Variants in NMS observed in about 807,000 individuals in gnomAD.
NMS encodes the protein neuromedin S.
Under a neutral mutation model 32.2 loss-of-function variants are expected in NMS, and 30 were observed. That is an observed-to-expected ratio of 0.93 (90% CI 0.70 to 1.26). NMS has a LOEUF of 1.26. Ranked by LOEUF, NMS falls within the 50% of genes most tolerant of loss-of-function variation. NMS has a pLI of 0.00. For missense variants in NMS, 190 were observed against 186.3 expected (o/e 1.02, Z -0.12); for synonymous variants, 76 against 58.5 (o/e 1.30, Z -1.37).
chr2:100,473,561 T>A lies in NMS; in HGVS notation c.183+22T>A, dbSNP rs1053445476. 3.6e-5 allele frequency: 33 copies of A among 924,034 alleles called. 1 individual carries two copies. The highest frequency in any genetic ancestry group is 4.8e-5 in the Non-Finnish European group (33 of 690,106). 57.2% of individuals were successfully genotyped at this position (924,034 alleles called of 1,614,324 possible). A position where few individuals can be genotyped will look rare whatever the true frequency, so the allele number is the denominator to read the frequency against. On this transcript the variant is annotated intron_variant, in intron 3 of 9. Coordinates refer to ENST00000376865, the MANE Select transcript of NMS (RefSeq NM_001011717.1). ...TAAGGTAAAAAAATGTGTATATATA[T>A]AATATATATAAAATATATATATATG...
At chr2:100,482,395 C>A in intron 9 of NMS, 84 bp downstream of exon 9, 5 of 1,263,658 alleles carry the variant, frequency 4.0e-6, no homozygotes, top group Non-Finnish European at 5.8e-6. Flanking sequence ...TGAGAGGCAG[C>A]CATGGGGAGG....
intron 8 of NMS, 127 bp from the exon 9 acceptor site, chr2:100,482,150 T>G: frequency 3.4e-6 from 3 of 886,028 alleles, no homozygotes; most frequent in African/African-American, 1.7e-5. Flanking sequence ...TGAGTCCCCA[T>G]GGAGGGGAGT....
At chr2:100,479,956 C>T (rs1433390782) in intron 6 of NMS, among the ~76,000 whole-genome samples, 1 of 152,076 alleles carries the variant, frequency 6.6e-6, no homozygotes, top group Non-Finnish European at 1.5e-5. Flanking sequence ...ATTTTGAACA[C>T]CCTGCCCAGG....
At chr2:100,474,522 A>T (rs1677069843) in intron 3 of NMS, among the ~76,000 whole-genome samples, 1 of 152,216 alleles carries the variant, frequency 6.6e-6, no homozygotes, top group South Asian at 2.1e-4. Context: ...CTGGTTTCAA[A>T]ATCCAGCTCT....
intron 3 of NMS, among the ~76,000 whole-genome samples, chr2:100,473,909 G>A (rs778187061): frequency 3.9e-5 from 6 of 152,128 alleles, no homozygotes; most frequent in Admixed American, 6.6e-5. Flanking sequence ...TGGGCCTGGT[G>A]GCTCACACCT....
In NMS at chr2:100,473,409, T is replaced by A. The variant is rs146174451; in HGVS notation, c.133-80T>A. 7.3e-5 allele frequency: 48 copies of A among 661,474 alleles called. No individual in the cohort carries two copies. In the African/African-American group the frequency reaches 8.7e-4, roughly 12 times the overall value. The allele number at this position is 661,474 out of a possible 1,614,324, so 41.0% of individuals were successfully genotyped here. On this transcript the variant is annotated intron_variant, in intron 2 of 9. Transcript: ENST00000376865. ...CCAGGCCTTGTTTCTTCTATCTAAT[T>A]GTATTTGATTACCCATTAATCAATC...
intron 3 of NMS, among the ~76,000 whole-genome samples, chr2:100,474,168 A>G (rs774674184): frequency 1.2e-4 from 18 of 152,234 alleles, no homozygotes; most frequent in Non-Finnish European, 1.9e-4. Context: ...CTATCTCACC[A>G]AAATGAAAAC....
intron 2 of NMS, 46 bp from the exon 3 acceptor site, chr2:100,473,443 C>A: frequency 1.7e-6 from 2 of 1,145,904 alleles, no homozygotes; most frequent in East Asian, 2.6e-5. Context: ...TCTCTCTCTT[C>A]ATCCCCCTCA....
chr2:100,481,213 C>T, intron 8 of NMS, 46 bp downstream of exon 8: 1 of 1,571,618 alleles, frequency 6.4e-7, no homozygotes, highest in Middle Eastern at 1.7e-4. Context: ...CGATTCACTG[C>T]AGCCATCCCA....
intron 1 of NMS, among the ~76,000 whole-genome samples, chr2:100,471,485 A>G (rs1271570416): frequency 6.6e-6 from 1 of 152,098 alleles, no homozygotes; most frequent in Non-Finnish European, 1.5e-5. Context: ...AACTACTTCA[A>G]TGACCCCAAC....
rs201102943 is a variant in NMS at position 100,473,529 on chromosome 2, G to T, written c.173G>T (p.Arg58Leu). The T allele has an allele frequency of 1.4e-6, 2 of 1,445,742 alleles. No homozygotes were observed. Among genetic ancestry groups the T allele is most frequent in the South Asian group, 3.2e-5 (2 of 62,356 alleles). 89.6% of individuals were successfully genotyped at this position (1,445,742 alleles called of 1,614,324 possible). Residue 58 changes from arginine (R) to leucine (L), a missense_variant, in exon 3 of 10, where the codon CGC becomes CTC. Transcript: ENST00000376865. ...CTGAGTCAGTGGGCACCTCTTTCTC[G>T]CCAACCTAAGGTAAAAAAATGTGTA... ...YCLSQWAPLS[R>L]QPKDNQDIYK...
chr2:100,478,697 C>T (rs1381752314), intron 5 of NMS, among the ~76,000 whole-genome samples: 12 of 152,208 alleles, frequency 7.9e-5, no homozygotes, highest in Non-Finnish European at 1.8e-4. Flanking sequence ...CTGCTGACCT[C>T]AGGTGATCCA....
rs760640443 is a variant in NMS at position 100,481,139 on chromosome 2, C to A, written c.386C>A (p.Thr129Asn). Residue 129 changes from threonine (T) to asparagine (N), a missense_variant, in exon 8 of 10, where the codon ACC (threonine) becomes AAC (asparagine). Thr to Asn is a moderately conservative substitution (Grantham distance 65). Transcript: ENST00000376865. Reference protein sequence around the residue: ...VDFTKKDHTATWGRPFFLFRP... With the variant: ...VDFTKKDHTANWGRPFFLFRP... Reference sequence around the variant, plus strand: ...TATATGTTGCAGGATCACACTGCGACCTGGGGACGACCCTTTTTCCTTTTC... The same window carrying A: ...TATATGTTGCAGGATCACACTGCGAACTGGGGACGACCCTTTTTCCTTTTC... 6.2e-7 allele frequency: 1 copy of A among 1,614,118 alleles called. No homozygotes were observed. The highest frequency in any genetic ancestry group is 8.5e-7 in the Non-Finnish European group (1 of 1,180,000).
chr2:100,471,084 G>C (rs1434070738), intron 1 of NMS, among the ~76,000 whole-genome samples: 1 of 152,122 alleles, frequency 6.6e-6, no homozygotes, highest in Non-Finnish European at 1.5e-5. Flanking sequence ...GCTACCTCCC[G>C]GGGCCAGTGA....
At chr2:100,481,051 T>C in intron 7 of NMS, 75 bp from the exon 8 acceptor site, 1 of 1,487,262 alleles carries the variant, frequency 6.7e-7, no homozygotes, top group Non-Finnish European at 9.4e-7. Context: ...TTTTGAAAAC[T>C]GTTCCTATAG....
At chr2:100,473,662 A>G (rs1439027145) in intron 3 of NMS, 123 bp downstream of exon 3, 1 of 275,898 alleles carries the variant, frequency 3.6e-6, no homozygotes, top group African/African-American at 2.3e-5. Context: ...CAAGAATATA[A>G]TTTTAGAAAA....
Position 100,477,411 on chromosome 2 carries a change from T to C in NMS, c.258T>C (p.Thr86=). 6.2e-6 allele frequency: 10 copies of C among 1,610,752 alleles called. No homozygotes were observed. The highest frequency in any genetic ancestry group is 7.6e-6 in the Non-Finnish European group (9 of 1,177,198). ...AGGAGGCAACACATCCAGTTAAAAC[T>C]GGGGTCAGTATTTTATTATAATCAT... ...RTQEATHPVK[T]GFPPVHPLMH... The change falls in exon 5 of 10, where the codon ACT becomes ACC. Residue 86 remains threonine (T), a synonymous_variant. Coordinates refer to ENST00000376865, the MANE Select transcript of NMS (RefSeq NM_001011717.1).
At chr2:100,479,158 C>A (rs1339137428) in intron 5 of NMS, among the ~76,000 whole-genome samples, 195 bp from the exon 6 acceptor site, 1 of 152,206 alleles carries the variant, frequency 6.6e-6, no homozygotes, top group Non-Finnish European at 1.5e-5. Flanking sequence ...GGAATTGAAA[C>A]CTGTTCTCAC....
chr2:100,478,329 T>C (rs1418230221), intron 5 of NMS, among the ~76,000 whole-genome samples: 1 of 152,200 alleles, frequency 6.6e-6, no homozygotes, highest in Non-Finnish European at 1.5e-5. Flanking sequence ...AAGTCTCTTA[T>C]TTATATGTTC....
Sources: allele counts gnomAD v4.1 joint callset (sites outside exome capture counted in the v4.1 genomes callset), GRCh38; gene constraint gnomAD v4.1.1; transcripts MANE v1.5; gene names NCBI Gene and HGNC (gene_info 2026-07-23, HGNC 2026-07-21).